The following CTNNA3 variants were observed in gnomAD, a reference collection of about 807,000 sequenced individuals.
CTNNA3 encodes catenin alpha 3, also known as catenin alpha-3.
Under a neutral mutation model 95.7 loss-of-function variants are expected in CTNNA3, and 76 were observed. That is an observed-to-expected ratio of 0.79 (90% CI 0.66 to 0.96). CTNNA3 has a LOEUF of 0.96. Ranked by LOEUF, CTNNA3 falls within the 40% of genes least tolerant of loss-of-function variation. The probability of loss-of-function intolerance (pLI) is 0.00; values close to 1 mark genes in which losing one functional copy is unlikely to be tolerated. For missense variants in CTNNA3, 1,191 were observed against 1,089.8 expected (o/e 1.09, Z -1.31); for synonymous variants, 431 against 374.4 (o/e 1.15, Z -1.74).
At chr10:66,002,922 C>G (rs2078798540) in intron 15 of CTNNA3, among the ~76,000 whole-genome samples, 1 of 152,134 alleles carries the variant, frequency 6.6e-6, no homozygotes, top group Non-Finnish European at 1.5e-5. Context: ...TGCACATGAT[C>G]CCAGGGGTGC....
chr10:66,294,914 G>GAGAGAGA (rs1554924832), intron 12 of CTNNA3, among the ~76,000 whole-genome samples: 1 of 150,500 alleles, frequency 6.6e-6, no homozygotes, highest in African/African-American at 2.5e-5. Flanking sequence ...GAGAGAGAGA[G>GAGAGAGA]GGATTTGGTA....
At chr10:66,943,210 A>T (rs1415548080) in intron 7 of CTNNA3, among the ~76,000 whole-genome samples, 1 of 152,234 alleles carries the variant, frequency 6.6e-6, no homozygotes, top group East Asian at 1.9e-4. Context: ...GAAAAGCTAG[A>T]AGAGTTTCTA....
intron 5 of CTNNA3, among the ~76,000 whole-genome samples, chr10:67,450,910 T>C (rs1354418349): frequency 1.3e-5 from 2 of 152,050 alleles, no homozygotes; most frequent in Non-Finnish European, 2.9e-5. Context: ...AATATCTATA[T>C]ATCTATAGAT....
intron 13 of CTNNA3, among the ~76,000 whole-genome samples, chr10:66,244,059 C>A (rs2090209776): frequency 6.6e-6 from 1 of 152,172 alleles, no homozygotes; most frequent in Non-Finnish European, 1.5e-5. Flanking sequence ...GCATTTACCA[C>A]AAGCTGACTA....
intron 17 of CTNNA3, among the ~76,000 whole-genome samples, chr10:65,934,828 T>A (rs1283436951): frequency 2.0e-5 from 3 of 152,082 alleles, no homozygotes; most frequent in Non-Finnish European, 4.4e-5. Context: ...AGAGTTTTCA[T>A]CCTAGGTAAT....
intron 7 of CTNNA3, among the ~76,000 whole-genome samples, chr10:66,827,800 T>C (rs4073245): frequency 0.056 from 8,478 of 152,300 alleles, 339 homozygotes; most frequent in African/African-American, 0.11. Context: ...AAGTATTCCA[T>C]TTCTGAAAGT....
At chr10:67,274,882 A>G (rs1408331661) in intron 5 of CTNNA3, among the ~76,000 whole-genome samples, 1 of 152,176 alleles carries the variant, frequency 6.6e-6, no homozygotes, top group Non-Finnish European at 1.5e-5. Flanking sequence ...TTTGAACAAC[A>G]TGATTATTAT....
chr10:66,307,987 T>C (rs1267272985), intron 12 of CTNNA3, among the ~76,000 whole-genome samples: 2 of 152,180 alleles, frequency 1.3e-5, no homozygotes, highest in African/African-American at 4.8e-5. Flanking sequence ...GTTGACAGGG[T>C]TGCCATACTG....
At chr10:66,774,472 C>G (rs1840215724) in intron 8 of CTNNA3, among the ~76,000 whole-genome samples, 1 of 152,094 alleles carries the variant, frequency 6.6e-6, no homozygotes, top group African/African-American at 2.4e-5. Flanking sequence ...ATGGTAGAAA[C>G]AGAATTCACA....
intron 7 of CTNNA3, among the ~76,000 whole-genome samples, chr10:67,011,112 G>T (rs377177376): frequency 3.3e-5 from 5 of 152,036 alleles, no homozygotes; most frequent in Non-Finnish European, 2.9e-5. Context: ...GACGGATCAC[G>T]AAGTCAAGGG....
At chr10:66,742,570 A>T in intron 9 of CTNNA3, among the ~76,000 whole-genome samples, 1 of 150,984 alleles carries the variant, frequency 6.6e-6, no homozygotes, top group African/African-American at 2.5e-5. Context: ...TTTACGGCTC[A>T]GGGGGCATCA....
In CTNNA3 at chr10:67,561,523, C is replaced by T. The variant is rs987258775; in HGVS notation, c.293-21854G>A. ...GGAAATTTACAGCAATAAAAGCCCA[C>T]GAGAGAAAGCAGGAAAGACCTAAAA... On this transcript the variant is annotated intron_variant, in intron 3 of 17. Coordinates refer to ENST00000433211, the MANE Select transcript of CTNNA3 (RefSeq NM_013266.4). Among the ~76,000 whole-genome samples, 14 of 133,948 alleles carry T rather than the reference C, an allele frequency of 1.0e-4. No individual in the cohort carries two copies. The South Asian group carries it at 1.4e-3, about 13-fold the overall frequency. 87.9% of individuals were successfully genotyped at this position (133,948 alleles called of 152,430 possible).
chr10:66,644,240 C>T (rs891498365), intron 9 of CTNNA3, among the ~76,000 whole-genome samples: 5 of 151,114 alleles, frequency 3.3e-5, no homozygotes, highest in African/African-American at 9.7e-5. Context: ...GCCTGAGTGA[C>T]GGAATAAGAG....
At chr10:67,293,196 C>A (rs548624346) in intron 5 of CTNNA3, among the ~76,000 whole-genome samples, 1 of 152,160 alleles carries the variant, frequency 6.6e-6, no homozygotes, top group South Asian at 2.1e-4. Context: ...GTAGATTAGA[C>A]TTTTCAACCT....
chr10:66,845,722 A>T (rs1407026409), intron 7 of CTNNA3, among the ~76,000 whole-genome samples: 16 of 127,028 alleles, frequency 1.3e-4, no homozygotes, highest in Middle Eastern at 3.9e-3. Flanking sequence ...AAAAAAAAAA[A>T]AAAAAAACTA....
intron 7 of CTNNA3, among the ~76,000 whole-genome samples, chr10:66,811,244 T>G (rs1481095848): frequency 6.6e-6 from 1 of 152,118 alleles, no homozygotes; most frequent in African/African-American, 2.4e-5. Flanking sequence ...CAAGGGCACA[T>G]AAGATTTTCA....
At chr10:66,582,205 T>C (rs1268582775) in intron 10 of CTNNA3, among the ~76,000 whole-genome samples, 1 of 151,924 alleles carries the variant, frequency 6.6e-6, no homozygotes, top group African/African-American at 2.4e-5. Flanking sequence ...TTGATAGAAA[T>C]TGCATTGAAT....
chr10:66,971,871 A>AT (rs569495600), intron 7 of CTNNA3, among the ~76,000 whole-genome samples: 3 of 151,568 alleles, frequency 2.0e-5, no homozygotes, highest in Admixed American at 1.3e-4. Flanking sequence ...AGCCAAAATC[A>AT]TTTTTTTTCA....
intron 7 of CTNNA3, chr10:67,098,629 T>C (rs1205642928): frequency 2.0e-5 from 3 of 152,172 alleles, no homozygotes; most frequent in Non-Finnish European, 4.4e-5. Flanking sequence ...TTGTTAAGGG[T>C]TGGGGGAAAG....
Sources: gnomAD v4.1 joint callset for allele counts (sites outside exome capture counted in the v4.1 genomes callset) on GRCh38, gnomAD v4.1.1 for gene constraint, MANE v1.5 for transcripts, NCBI Gene and HGNC (gene_info 2026-07-23, HGNC 2026-07-21) for gene names.